MYO5C: variants seen among roughly 807,000 people sequenced by gnomAD.
MYO5C encodes unconventional myosin-Vc.
MYO5C carries 194 observed loss-of-function variants against 235.7 expected under a neutral mutation model. The ratio of observed to expected loss-of-function variants is 0.82; its 90% CI spans 0.73 to 0.93. The LOEUF (loss-of-function observed/expected upper bound fraction) is 0.93. MYO5C is among the 40% of genes least tolerant of loss of function. The probability of loss-of-function intolerance (pLI) is 0.00; values close to 1 mark genes in which losing one functional copy is unlikely to be tolerated. For synonymous variants in MYO5C, 707 were observed against 754.8 expected (o/e 0.94, Z 1.04); for missense variants, 2,038 against 2,127.2 (o/e 0.96, Z 0.82).
In MYO5C at chr15:52,245,970, C is replaced by T. The variant is rs761830841; in HGVS notation, c.2052G>A (p.Gln684=). The change falls in exon 17 of 41, where the codon CAG becomes CAA. Residue 684 remains glutamine (Q), a synonymous_variant. Transcript: ENST00000261839. The part of the protein sequence containing the change: ...GVLETIRISA[Q]SYPSRWTYIE... ...GGACAACATACCTGGAAGGGTAGCT[C>T]TGTGCACTAATGCGAATCGTTTCTA... is the stretch of plus-strand genomic sequence containing the variant. 1.1e-5 allele frequency: 17 copies of T among 1,614,084 alleles called. No individual in the cohort carries two copies. The highest frequency in any genetic ancestry group is 1.4e-5 in the Non-Finnish European group (16 of 1,180,022).
chr15:52,227,319 C>T (rs933026720), intron 25 of MYO5C, among the ~76,000 whole-genome samples: 6 of 150,034 alleles, frequency 4.0e-5, no homozygotes, highest in Non-Finnish European at 7.4e-5. Context: ...CTCAGCCTCC[C>T]GAGTAGCTGG....
chr15:52,259,535 G>A (rs762776160), intron 10 of MYO5C, among the ~76,000 whole-genome samples: 10 of 152,140 alleles, frequency 6.6e-5, no homozygotes, highest in Non-Finnish European at 1.2e-4. Context: ...GAATAATTAC[G>A]TATTTCCACC....
intron 38 of MYO5C, among the ~76,000 whole-genome samples, chr15:52,198,361 G>A (rs557363611): frequency 1.3e-5 from 2 of 152,260 alleles, no homozygotes; most frequent in Admixed American, 1.3e-4. Context: ...TCCCAGCTGT[G>A]ACCTTAAGGA....
intron 1 of MYO5C, among the ~76,000 whole-genome samples, chr15:52,294,874 GA>G (rs1163027950): frequency 1.3e-5 from 2 of 152,206 alleles, no homozygotes; most frequent in African/African-American, 2.4e-5. Flanking sequence ...CAGGGTATAT[GA>G]AAGGCGCTTT....
intron 9 of MYO5C, among the ~76,000 whole-genome samples, chr15:52,263,159 T>C (rs2140829577): frequency 6.6e-6 from 1 of 152,338 alleles, no homozygotes; most frequent in South Asian, 2.1e-4. Flanking sequence ...ACTCAGCCTG[T>C]GGCATTTTGA....
At chr15:52,214,457 T>C (rs540797763) in intron 33 of MYO5C, 146 bp downstream of exon 33, 5 of 551,978 alleles carry the variant, frequency 9.1e-6, no homozygotes, top group Non-Finnish European at 1.5e-5. Flanking sequence ...AAGGATCCTT[T>C]CGTTAGCCCA....
intron 5 of MYO5C, among the ~76,000 whole-genome samples, chr15:52,274,884 AT>A (rs914319819): frequency 3.6e-4 from 55 of 152,058 alleles, no homozygotes; most frequent in African/African-American, 1.3e-3. Flanking sequence ...AATATTCTTA[AT>A]TTTTTGCTTT....
At chr15:52,287,097 A>G (rs2037292619) in intron 1 of MYO5C, among the ~76,000 whole-genome samples, 1 of 152,190 alleles carries the variant, frequency 6.6e-6, no homozygotes, top group Admixed American at 6.5e-5. Flanking sequence ...ATAAAACAGA[A>G]AAGTCACTGG....
At chr15:52,199,014 C>T in intron 38 of MYO5C, among the ~76,000 whole-genome samples, 1 of 152,188 alleles carries the variant, frequency 6.6e-6, no homozygotes, top group Non-Finnish European at 1.5e-5. Context: ...CTGCCTCAGC[C>T]TGCCGAGTAG....
At chr15:52,281,457 A>G (rs1405122003) in intron 2 of MYO5C, among the ~76,000 whole-genome samples, 1 of 152,202 alleles carries the variant, frequency 6.6e-6, no homozygotes, top group Non-Finnish European at 1.5e-5. Flanking sequence ...TTCCTTCCCA[A>G]ACAAAGCCAT....
chr15:52,212,241 A>G (rs2035458088), intron 34 of MYO5C, among the ~76,000 whole-genome samples: 1 of 152,232 alleles, frequency 6.6e-6, no homozygotes, highest in African/African-American at 2.4e-5. Flanking sequence ...AGGATGGCGT[A>G]CAGTGTCCAC....
intron 11 of MYO5C, among the ~76,000 whole-genome samples, 164 bp from the exon 12 acceptor site, chr15:52,253,621 G>T (rs892507847): frequency 6.6e-6 from 1 of 152,224 alleles, no homozygotes; most frequent in Non-Finnish European, 1.5e-5. Flanking sequence ...GATCAATACC[G>T]CCGAGTTCCT....
chr15:52,292,521 C>T lies in MYO5C; in HGVS notation c.27+3089G>A, dbSNP rs146454988. 3.0e-3 allele frequency among the ~76,000 whole-genome samples: 463 copies of T among 152,254 alleles called. 2 individuals carry two copies. Among genetic ancestry groups the T allele is most frequent in the African/African-American group, 4.7e-3 (196 of 41,546 alleles). ...TTGTTTATCCAGATTAAATGAGAGG[C>T]GGCACATGAAACTCTGAGGATGGCA... is the stretch of plus-strand genomic sequence containing the variant. On this transcript the variant is annotated intron_variant, in intron 1 of 40. Transcript: ENST00000261839.
Position 52,205,848 on chromosome 15 carries a change from A to G in MYO5C, c.4505T>C (p.Ile1502Thr). ...VAIRIYHQFI[I>T]IMEKNIQPII... ...CGGTTGGATATTCTTTTCCATTATG[A>G]TAATAAATTGATGATATATTCGTAT... The change falls in exon 37 of 41, where the codon ATC (isoleucine) becomes ACC (threonine). Residue 1502 changes from isoleucine (I) to threonine (T), a missense_variant. Transcript: ENST00000261839. The G allele has an allele frequency of 1.3e-6, 2 of 1,581,200 alleles. No individual in the cohort carries two copies. Among genetic ancestry groups the G allele is most frequent in the Non-Finnish European group, 1.7e-6 (2 of 1,159,036 alleles).
In MYO5C at chr15:52,248,739, G is replaced by T. The variant is rs761562334; in HGVS notation, c.1707C>A (p.Thr569=). The change falls in exon 14 of 41, where the codon ACC becomes ACA. Residue 569 remains threonine (T), a synonymous_variant. Coordinates refer to ENST00000261839, the MANE Select transcript of MYO5C (RefSeq NM_018728.4). ...CEGFLEKNRD[T]VYDMLVEILR... ...GGATTTCAACCAGCATGTCATAGAC[G>T]GTGTCTCTGTTTTTCTCCAGGAAAC... is the stretch of plus-strand genomic sequence containing the variant. 33 of 1,613,802 alleles carry T rather than the reference G, an allele frequency of 2.0e-5. No homozygotes were observed. Among genetic ancestry groups the T allele is most frequent in the Non-Finnish European group, 2.7e-5 (32 of 1,179,948 alleles).
chr15:52,237,866 G>A (rs574125150), intron 21 of MYO5C, among the ~76,000 whole-genome samples: 1 of 152,214 alleles, frequency 6.6e-6, no homozygotes, highest in Non-Finnish European at 1.5e-5. Flanking sequence ...CTATTTTAAT[G>A]TGGGAAGTTT....
chr15:52,258,581 A>C (rs2036627930), intron 10 of MYO5C, among the ~76,000 whole-genome samples: 1 of 152,148 alleles, frequency 6.6e-6, no homozygotes, highest in Non-Finnish European at 1.5e-5. Context: ...CCTTATTTCC[A>C]AGTCAAAAAG....
intron 9 of MYO5C, among the ~76,000 whole-genome samples, chr15:52,263,297 T>C (rs1166870087): frequency 6.6e-6 from 1 of 152,200 alleles, no homozygotes; most frequent in East Asian, 1.9e-4. Context: ...TGGACATTGA[T>C]GAGACTAATT....
chr15:52,222,617 G>A (rs1019011862), intron 29 of MYO5C, among the ~76,000 whole-genome samples: 6 of 144,056 alleles, frequency 4.2e-5, no homozygotes, highest in South Asian at 4.4e-4. Context: ...GGGGACACAC[G>A]ACAGAATGGG....
Sources: gnomAD v4.1 joint callset for allele counts (sites outside exome capture counted in the v4.1 genomes callset) on GRCh38, gnomAD v4.1.1 for gene constraint, MANE v1.5 for transcripts, NCBI Gene and HGNC (gene_info 2026-07-23, HGNC 2026-07-21) for gene names.